Variants in RERE observed in about 807,000 individuals in gnomAD.
The protein encoded by RERE is arginine-glutamic acid dipeptide repeats, also known as arginine-glutamic acid dipeptide repeats protein.
Under a neutral mutation model 146.1 loss-of-function variants are expected in RERE, and 40 were observed. The observed-to-expected ratio is 0.27, with a 90% CI of 0.21 to 0.36. RERE has a LOEUF of 0.36. Ranked by LOEUF, RERE falls within the 10% of genes least tolerant of loss-of-function variation. The probability of loss-of-function intolerance (pLI) is 1.00; values close to 1 mark genes in which losing one functional copy is unlikely to be tolerated. For missense variants in RERE, 1,933 were observed against 2,138.7 expected, an observed-to-expected ratio of 0.90 and a Z score of 1.90; for synonymous variants, 1,003 against 866.0, an observed-to-expected ratio of 1.16 and a Z score of -2.78.
At chr1:8,765,383 G>A (rs1038918228) in intron 1 of RERE, among the ~76,000 whole-genome samples, 1 of 152,198 alleles carries the variant, frequency 6.6e-6, no homozygotes, top group African/African-American at 2.4e-5. Flanking sequence ...ATGGATACAG[G>A]ATTTCTTCTG....
At chr1:8,759,680 G>C (rs996570436) in intron 1 of RERE, among the ~76,000 whole-genome samples, 1 of 152,088 alleles carries the variant, frequency 6.6e-6, no homozygotes. Context: ...CAGGTTGTGT[G>C]AAACTGTACA....
intron 4 of RERE, among the ~76,000 whole-genome samples, chr1:8,576,713 T>C (rs1224478536): frequency 6.6e-6 from 1 of 152,214 alleles, no homozygotes; most frequent in African/African-American, 2.4e-5. Flanking sequence ...AATATCCAAG[T>C]TGATAACACT....
intron 1 of RERE, among the ~76,000 whole-genome samples, chr1:8,758,455 A>G (rs1271783119): frequency 6.6e-6 from 1 of 150,994 alleles, no homozygotes; most frequent in Non-Finnish European, 1.5e-5. Context: ...GCAGCGGCAC[A>G]ATCATAACTC....
chr1:8,475,306 G>A (rs1211346648), intron 10 of RERE, among the ~76,000 whole-genome samples: 8 of 151,774 alleles, frequency 5.3e-5, no homozygotes, highest in Non-Finnish European at 7.4e-5. Flanking sequence ...CCTGGGAGGC[G>A]GAGGTTGCAG....
intron 10 of RERE, among the ~76,000 whole-genome samples, chr1:8,494,447 C>T (rs540921045): frequency 2.0e-5 from 3 of 152,120 alleles, no homozygotes; most frequent in Non-Finnish European, 4.4e-5. Flanking sequence ...AACCTAGAGG[C>T]CGGGCGTGGT....
chr1:8,607,708 CACA>C (rs1251406504), intron 4 of RERE, among the ~76,000 whole-genome samples: 1 of 141,068 alleles, frequency 7.1e-6, no homozygotes, highest in Non-Finnish European at 1.5e-5. Flanking sequence ...ATCACAGCCA[CACA>C]ACACCATATC....
At chr1:8,444,998 G>A (rs301816) in intron 11 of RERE, among the ~76,000 whole-genome samples, 83,587 of 151,896 alleles carry the variant, frequency 0.55, 23,653 homozygotes, top group East Asian at 0.83. Context: ...AGAGTGAGGG[G>A]ACAATTTTAT....
intron 7 of RERE, 87 bp from the exon 8 acceptor site, chr1:8,508,762 CAAAT>C: frequency 9.3e-7 from 1 of 1,080,706 alleles, no homozygotes; most frequent in Non-Finnish European, 1.4e-6. Flanking sequence ...TAATTCTCTT[CAAAT>C]AAATGAGGAA....
intron 12 of RERE, among the ~76,000 whole-genome samples, chr1:8,374,239 G>C (rs1553157962): frequency 6.6e-6 from 1 of 152,232 alleles, no homozygotes; most frequent in Non-Finnish European, 1.5e-5. Flanking sequence ...AAGGCAAAGG[G>C]AAAGGAGGGA....
intron 10 of RERE, among the ~76,000 whole-genome samples, chr1:8,494,554 G>A (rs757900012): frequency 2.0e-5 from 3 of 152,106 alleles, no homozygotes; most frequent in South Asian, 2.1e-4. Flanking sequence ...GTGAAACCCC[G>A]TCTCTACTAA....
intron 2 of RERE, among the ~76,000 whole-genome samples, chr1:8,638,485 C>T (rs1647129424): frequency 6.6e-6 from 1 of 152,012 alleles, no homozygotes; most frequent in Non-Finnish European, 1.5e-5. Flanking sequence ...TGGCCATATA[C>T]CCCAGGTTAT....
At chr1:8,453,479 G>A (rs181270861) in intron 11 of RERE, among the ~76,000 whole-genome samples, 17 of 152,116 alleles carry the variant, frequency 1.1e-4, no homozygotes, top group African/African-American at 4.1e-4. Context: ...GTTTTTGGTC[G>A]AGGTCAACCA....
chr1:8,467,205 CTTAT>C (rs1644611270), intron 10 of RERE, among the ~76,000 whole-genome samples: 1 of 152,234 alleles, frequency 6.6e-6, no homozygotes, highest in African/African-American at 2.4e-5. Flanking sequence ...GCTTCAATCT[CTTAT>C]TTTAACAATG....
chr1:8,670,252 G>A (rs1281881930), intron 1 of RERE, among the ~76,000 whole-genome samples: 1 of 152,198 alleles, frequency 6.6e-6, no homozygotes, highest in East Asian at 1.9e-4. Flanking sequence ...TAACCAGGGA[G>A]GGCAGGAGAA....
chr1:8,641,531 T>C (rs987646354), intron 2 of RERE, among the ~76,000 whole-genome samples: 5 of 152,184 alleles, frequency 3.3e-5, no homozygotes, highest in African/African-American at 4.8e-5. Context: ...TGCACTGTGA[T>C]TGGAACTCTG....
At chr1:8,713,365 G>C (rs766100964) in intron 1 of RERE, among the ~76,000 whole-genome samples, 7 of 152,218 alleles carry the variant, frequency 4.6e-5, no homozygotes, top group Non-Finnish European at 1.0e-4. Context: ...TTGCAAAAAA[G>C]GCAGATTAAC....
At chr1:8,569,300 T>C (rs763628324) in intron 4 of RERE, among the ~76,000 whole-genome samples, 4 of 151,034 alleles carry the variant, frequency 2.6e-5, no homozygotes, top group Non-Finnish European at 5.9e-5. Flanking sequence ...AAATTTGACA[T>C]TTTTGTAATA....
intron 1 of RERE, among the ~76,000 whole-genome samples, chr1:8,795,996 A>C (rs1244289998): frequency 6.7e-6 from 1 of 150,056 alleles, no homozygotes; most frequent in Non-Finnish European, 1.5e-5. Flanking sequence ...AAAAAAAAAA[A>C]AACAAAACAA....
At chr1:8,713,772 G>A (rs1639712840) in intron 1 of RERE, among the ~76,000 whole-genome samples, 1 of 151,972 alleles carries the variant, frequency 6.6e-6, no homozygotes, top group Non-Finnish European at 1.5e-5. Flanking sequence ...AATAGTAATT[G>A]CAAACTTCAA....
Sources: allele counts gnomAD v4.1 joint callset (sites outside exome capture counted in the v4.1 genomes callset), GRCh38; gene constraint gnomAD v4.1.1; transcripts MANE v1.5; gene names NCBI Gene and HGNC (gene_info 2026-07-23, HGNC 2026-07-21).